Variants in SLAMF8 observed in about 807,000 individuals in gnomAD.
SLAMF8 encodes the protein B lymphocyte activator macrophage expressed.
Under a neutral mutation model 29.0 loss-of-function variants are expected in SLAMF8, and 23 were observed. That is an observed-to-expected ratio of 0.79 (90% CI 0.57 to 1.13). The LOEUF is 1.13. Among genes scored for constraint, SLAMF8 ranks in the 50% most tolerant of loss-of-function variants. The pLI, the probability that SLAMF8 is intolerant of heterozygous loss-of-function variation, is 0.00. For synonymous variants in SLAMF8, 139 were observed against 145.6 expected (o/e 0.96, Z 0.32); for missense variants, 381 against 353.1 (o/e 1.08, Z -0.63).
chr1:159,827,014 G>T, intron 1 of SLAMF8, 76 bp downstream of exon 1: 1 of 1,581,980 alleles, frequency 6.3e-7, no homozygotes, highest in Non-Finnish European at 8.7e-7. Context: ...AGACGTCTGG[G>T]CAGGGATCCC....
chr1:159,836,749 T>C lies in SLAMF8; in HGVS notation c.*1489T>C. On this transcript the variant is annotated 3_prime_UTR_variant, in exon 5 of 5. Transcript: ENST00000289707. Reference sequence around the variant, plus strand: ...TCCACATCACCACTCTTCCACTCGATTGTTCCCAGATCCTCCCTGCCTGGC... The same window carrying C: ...TCCACATCACCACTCTTCCACTCGACTGTTCCCAGATCCTCCCTGCCTGGC... 2.0e-6 allele frequency: 2 copies of C among 985,610 alleles called. No individual in the cohort carries two copies. The highest frequency in any genetic ancestry group is 4.7e-5 in the South Asian group (1 of 21,290). 61.1% of individuals were successfully genotyped at this position (985,610 alleles called of 1,614,324 possible). A position where few individuals can be genotyped will look rare whatever the true frequency, so the allele number is the denominator to read the frequency against.
chr1:159,833,361 C>T lies in SLAMF8; in HGVS notation c.773C>T (p.Pro258Leu). Residue 258 changes from proline (P) to leucine (L), a missense_variant, in exon 4 of 5, where the codon CCC becomes CTC. Coordinates refer to ENST00000289707, the MANE Select transcript of SLAMF8 (RefSeq NM_020125.3). The stretch of plus-strand genomic sequence containing the variant: ...CTCTTCTCTGCCTGGCACTGGTGCC[C>T]CTGCTCAGGTAGGAGTCCTGCAGGT... ...VTLFSAWHWC[P>L]CSGKKKKDVH... The T allele has an allele frequency of 2.5e-6, 4 of 1,613,948 alleles. No homozygotes were observed. Among genetic ancestry groups the T allele is most frequent in the South Asian group, 2.2e-5 (2 of 91,082 alleles).
rs528750180 is a variant in SLAMF8, at chr1:159,831,473, C to G, written c.367+1281C>G. Among the ~76,000 whole-genome samples, 57 of 151,942 alleles carry G rather than the reference C, an allele frequency of 3.8e-4. 1 individual carries two copies. The highest frequency in any genetic ancestry group is 1.3e-3 in the African/African-American group (55 of 41,388). On this transcript the variant is annotated intron_variant, in intron 2 of 4. Transcript: ENST00000289707. ...CCCCCACCCCCTGCCACCTGTTACC[C>G]TGTGACCCCCCTTAGCCCAATGTCC...
intron 4 of SLAMF8, 190 bp from the exon 5 acceptor site, chr1:159,834,994 A>G: frequency 1.7e-6 from 1 of 578,390 alleles, no homozygotes; most frequent in Non-Finnish European, 3.1e-6. Flanking sequence ...GGCCAAGGTT[A>G]GATACTAGGA....
Position 159,833,299 on chromosome 1 carries a change from G to T in SLAMF8, c.711G>T (p.Val237=). The change falls in exon 4 of 5, where the codon GTG becomes GTT. Residue 237 remains valine, a synonymous_variant. Coordinates refer to ENST00000289707, the MANE Select transcript of SLAMF8 (RefSeq NM_020125.3). The part of the protein sequence containing the change: ...GKASYKDVLL[V]VVPVSLLLML... ...CCTCCTACAAAGATGTGCTGCTGGT[G>T]GTGGTGCCTGTCTCGCTGCTCCTGA... 1.2e-6 allele frequency: 2 copies of T among 1,614,170 alleles called. No homozygotes were observed. Among genetic ancestry groups the T allele is most frequent in the Non-Finnish European group, 1.7e-6 (2 of 1,180,024 alleles).
chr1:159,833,390 G>A (rs755001160), intron 4 of SLAMF8, 21 bp downstream of exon 4: 2 of 1,613,772 alleles, frequency 1.2e-6, no homozygotes, highest in East Asian at 2.2e-5. Flanking sequence ...TGCAGGTGCA[G>A]GAGGTAGGTG....
In SLAMF8 at chr1:159,828,815, A is replaced by AGT. The variant is rs571045914; in HGVS notation, c.41-1049_41-1048dup. Among the ~76,000 whole-genome samples the AGT allele has an allele frequency of 6.9e-4, 105 of 151,482 alleles. 4 individuals carry two copies. In the South Asian group the frequency reaches 0.021, roughly 31 times the overall value. On this transcript the variant is annotated intron_variant, in intron 1 of 4. Transcript: ENST00000289707. The stretch of plus-strand genomic sequence containing the variant: ...TCGGAGGAGGCAGTGATGCTACAAG[A>AGT]GTGGGCAGAAATTAGTCAGCAAAGG...
intron 1 of SLAMF8, among the ~76,000 whole-genome samples, 191 bp downstream of exon 1, chr1:159,827,129 G>A (rs542514694): frequency 6.6e-6 from 1 of 152,314 alleles, no homozygotes; most frequent in African/African-American, 2.4e-5. Context: ...GCAGGGTCCT[G>A]GGAGGGAGGA....
At chr1:159,834,022 C>T (rs1647701548) in intron 4 of SLAMF8, among the ~76,000 whole-genome samples, 1 of 152,172 alleles carries the variant, frequency 6.6e-6, no homozygotes, top group Non-Finnish European at 1.5e-5. Flanking sequence ...ATAGGGTTGC[C>T]TTCTTGAGAA....
chr1:159,834,288 A>G (rs1407448174), intron 4 of SLAMF8, among the ~76,000 whole-genome samples: 1 of 152,210 alleles, frequency 6.6e-6, no homozygotes, highest in Admixed American at 6.5e-5. Flanking sequence ...GCCTCTAAGC[A>G]TGGGGACAGG....
At chr1:159,827,671 C>T (rs1663713777) in intron 1 of SLAMF8, among the ~76,000 whole-genome samples, 1 of 152,150 alleles carries the variant, frequency 6.6e-6, no homozygotes, top group Non-Finnish European at 1.5e-5. Flanking sequence ...ACATCAGAGG[C>T]TCATAGGGAC....
In SLAMF8 at chr1:159,835,353, G is replaced by C. The variant is rs267598117; in HGVS notation, c.*93G>C. ...ATAACTGGTGCCTGGAAATCACCATGGTCCTCATATCTCCCATGGGAATCC... is the reference window on the plus strand; with the variant it reads ...ATAACTGGTGCCTGGAAATCACCATCGTCCTCATATCTCCCATGGGAATCC... On this transcript the variant is annotated 3_prime_UTR_variant, in exon 5 of 5. Coordinates refer to ENST00000289707, the MANE Select transcript of SLAMF8 (RefSeq NM_020125.3). 1.7e-5 allele frequency: 26 copies of C among 1,504,292 alleles called. No homozygotes were observed. The highest frequency in any genetic ancestry group is 2.3e-5 in the Non-Finnish European group (26 of 1,129,814). 93.2% of individuals were successfully genotyped at this position (1,504,292 alleles called of 1,614,324 possible).
At chr1:159,835,103 A>G in intron 4 of SLAMF8, 81 bp from the exon 5 acceptor site, 1 of 1,362,416 alleles carries the variant, frequency 7.3e-7, no homozygotes, top group Non-Finnish European at 1.0e-6. Context: ...CACACTGAGG[A>G]TTCAGAGGCC....
Position 159,836,288 on chromosome 1 carries a change from G to A in SLAMF8, c.*1028G>A. On this transcript the variant is annotated 3_prime_UTR_variant, in exon 5 of 5. Coordinates refer to ENST00000289707, the MANE Select transcript of SLAMF8 (RefSeq NM_020125.3). ...GAAGACTTACCTTAGTTCAAGGGGA[G>A]GGGACAAAGACCCCACAGCCCAACA... 1 of 984,884 alleles carries A rather than the reference G, an allele frequency of 1.0e-6. No individual in the cohort carries two copies. Among genetic ancestry groups the A allele is most frequent in the Non-Finnish European group, 1.2e-6 (1 of 829,414 alleles). 61.0% of individuals were successfully genotyped at this position (984,884 alleles called of 1,614,324 possible).
intron 1 of SLAMF8, among the ~76,000 whole-genome samples, chr1:159,828,663 A>G (rs567360226): frequency 6.6e-6 from 1 of 152,210 alleles, no homozygotes; most frequent in South Asian, 2.1e-4. Context: ...GGAGATGCTG[A>G]CTCATAAACA....
At chr1:159,832,193 T>C (rs1205106357) in intron 2 of SLAMF8, among the ~76,000 whole-genome samples, 3 of 152,228 alleles carry the variant, frequency 2.0e-5, no homozygotes, top group African/African-American at 7.2e-5. Context: ...CTAAGTTTAC[T>C]AAGCTAACAA....
chr1:159,826,876 T>C lies in SLAMF8; in HGVS notation c.-23T>C. 6.2e-7 allele frequency: 1 copy of C among 1,613,924 alleles called. No homozygotes were observed. The highest frequency in any genetic ancestry group is 2.2e-5 in the East Asian group (1 of 44,852). On this transcript the variant is annotated 5_prime_UTR_variant, in exon 1 of 5. Coordinates refer to ENST00000289707, the MANE Select transcript of SLAMF8 (RefSeq NM_020125.3). ...TTCTGGATTTTGGCTGTCGAGGGAG[T>C]TTGCCTGCCTCTCCAGAGAAAGATG... is the stretch of plus-strand genomic sequence containing the variant.
intron 2 of SLAMF8, 138 bp from the exon 3 acceptor site, chr1:159,832,738 T>A: frequency 3.3e-6 from 3 of 907,460 alleles, no homozygotes. Context: ...CTGTGGGCAG[T>A]GGAAAGCCAG....
At position 159,835,387 on chromosome 1, in the gene SLAMF8, C is replaced by G. The variant is rs1211473189; in HGVS notation, c.*127C>G. On this transcript the variant is annotated 3_prime_UTR_variant, in exon 5 of 5. Coordinates refer to ENST00000289707, the MANE Select transcript of SLAMF8 (RefSeq NM_020125.3). ...ATCTCCCATGGGAATCCTGTCCTGC[C>G]TCGAAGGAGCAGCCTGGGCAGCCAT... 7.0e-7 allele frequency: 1 copy of G among 1,429,156 alleles called. No individual in the cohort carries two copies. The highest frequency in any genetic ancestry group is 9.2e-7 in the Non-Finnish European group (1 of 1,091,306). 88.5% of individuals were successfully genotyped at this position (1,429,156 alleles called of 1,614,324 possible). A position where few individuals can be genotyped will look rare whatever the true frequency, so the allele number is the denominator to read the frequency against.
Sources: allele counts gnomAD v4.1 joint callset (sites outside exome capture counted in the v4.1 genomes callset), GRCh38; gene constraint gnomAD v4.1.1; transcripts MANE v1.5; gene names NCBI Gene and HGNC (gene_info 2026-07-23, HGNC 2026-07-21).